The following ARHGAP21 variants were observed in gnomAD, a reference collection of about 807,000 sequenced individuals.
ARHGAP21 encodes the protein rho GTPase-activating protein 21.
In ARHGAP21, 38 loss-of-function variants were observed where a neutral mutation model predicts 164.6. That is an observed-to-expected ratio of 0.23 (90% CI 0.18 to 0.30). The LOEUF (loss-of-function observed/expected upper bound fraction) is 0.30, where lower values mean the gene tolerates loss of function less well. ARHGAP21 is among the 10% of genes least tolerant of loss of function. The pLI is 1.00. For synonymous variants in ARHGAP21, 766 were observed against 857.9 expected (o/e 0.89, Z 1.87); for missense variants, 1,822 against 2,370.7 (o/e 0.77, Z 4.81).
chr10:24,719,125 A>ACACACACC (rs1403546611), intron 2 of ARHGAP21, among the ~76,000 whole-genome samples: 58 of 151,896 alleles, frequency 3.8e-4, no homozygotes, highest in African/African-American at 1.4e-3. Flanking sequence ...ACACACACAC[A>ACACACACC]CACACCCCAA....
In ARHGAP21 at chr10:24,721,819, C is replaced by T; in HGVS notation, c.63+18G>A. ...AGGCCACCGCCCTGCCGGCCAGGAA[C>T]GCTGGCTCCGCGCTTACCTCGCAGG... is the stretch of plus-strand genomic sequence containing the variant. On this transcript the variant is annotated intron_variant, in intron 2 of 25. Coordinates refer to ENST00000396432, the MANE Select transcript of ARHGAP21 (RefSeq NM_020824.4). The T allele has an allele frequency of 6.2e-7, 1 of 1,613,942 alleles. No individual in the cohort carries two copies. The highest frequency in any genetic ancestry group is 8.5e-7 in the Non-Finnish European group (1 of 1,179,916).
intron 9 of ARHGAP21, among the ~76,000 whole-genome samples, chr10:24,616,899 T>G (rs554275876): frequency 6.6e-6 from 1 of 152,324 alleles, no homozygotes; most frequent in East Asian, 1.9e-4. Context: ...AACAAAATAC[T>G]GTTAATGAGT....
At position 24,585,666 on chromosome 10, in the gene ARHGAP21, C is replaced by A. The variant is rs184846029; in HGVS notation, c.4623G>T (p.Glu1541Asp). The A allele has an allele frequency of 4.0e-5, 64 of 1,614,174 alleles. No individual in the cohort carries two copies. The East Asian group carries it at 1.4e-3, about 35-fold the overall frequency. Residue 1541 changes from glutamate (E) to aspartate (D), a missense_variant, in exon 26 of 26, where the codon GAG (glutamate) becomes GAT (aspartate). Transcript: ENST00000396432. ...LLAQKSSHLE[E>D]TGSDSGTLLS... Reference sequence around the variant, plus strand: ...GCAAAGTGCCAGAGTCAGAGCCTGTCTCTTCAAGGTGGGAGGACTTCTGTG... The same window carrying A: ...GCAAAGTGCCAGAGTCAGAGCCTGTATCTTCAAGGTGGGAGGACTTCTGTG...
chr10:24,638,101 G>A (rs1474167420), intron 4 of ARHGAP21, among the ~76,000 whole-genome samples: 1 of 151,936 alleles, frequency 6.6e-6, no homozygotes, highest in Admixed American at 6.6e-5. Context: ...TCCTGACCTT[G>A]TGATCCACCC....
chr10:24,604,520 A>C (rs1357527655), intron 11 of ARHGAP21, among the ~76,000 whole-genome samples, 172 bp from the exon 12 acceptor site: 1 of 152,234 alleles, frequency 6.6e-6, no homozygotes, highest in East Asian at 1.9e-4. Flanking sequence ...TTTTATAAAA[A>C]ATGTTCCACC....
intron 2 of ARHGAP21, among the ~76,000 whole-genome samples, chr10:24,680,426 G>A (rs150565109): frequency 7.2e-5 from 11 of 152,202 alleles, no homozygotes; most frequent in African/African-American, 2.6e-4. Flanking sequence ...AATCATATAG[G>A]TAACTCTTGG....
At chr10:24,668,956 T>C (rs1840449072) in intron 3 of ARHGAP21, among the ~76,000 whole-genome samples, 1 of 152,188 alleles carries the variant, frequency 6.6e-6, no homozygotes, top group Non-Finnish European at 1.5e-5. Context: ...CCTAATGTAA[T>C]TATCAAGTGC....
At chr10:24,695,437 C>T (rs1305858980) in intron 2 of ARHGAP21, among the ~76,000 whole-genome samples, 2 of 151,784 alleles carry the variant, frequency 1.3e-5, no homozygotes, top group African/African-American at 4.8e-5. Context: ...GGCGTGGTGG[C>T]GGGTGCCTGT....
chr10:24,625,372 CACCTTTAACAGGTT>C (rs1420327030), intron 7 of ARHGAP21, among the ~76,000 whole-genome samples: 1 of 145,604 alleles, frequency 6.9e-6, no homozygotes, highest in East Asian at 2.1e-4. Flanking sequence ...CCTTTCAGTT[CACCTTTAACAGGTT>C]ATTAATTTAA....
chr10:24,696,183 A>G (rs897809615), intron 2 of ARHGAP21, among the ~76,000 whole-genome samples: 3 of 152,206 alleles, frequency 2.0e-5, no homozygotes, highest in East Asian at 1.9e-4. Context: ...AGTGGGCCCT[A>G]TGGGCGCCCT....
At chr10:24,719,962 TC>T (rs1239351826) in intron 2 of ARHGAP21, among the ~76,000 whole-genome samples, 1 of 152,184 alleles carries the variant, frequency 6.6e-6, no homozygotes, top group African/African-American at 2.4e-5. Flanking sequence ...AAATACCTAT[TC>T]TTTAGAAAGT....
At chr10:24,703,157 A>T (rs547722936) in intron 2 of ARHGAP21, among the ~76,000 whole-genome samples, 36 of 152,338 alleles carry the variant, frequency 2.4e-4, no homozygotes, top group African/African-American at 7.9e-4. Flanking sequence ...AAATGGCAGT[A>T]TCAATATATT....
intron 9 of ARHGAP21, among the ~76,000 whole-genome samples, chr10:24,609,519 T>C (rs2077165299): frequency 6.6e-6 from 1 of 152,200 alleles, no homozygotes; most frequent in South Asian, 2.1e-4. Context: ...TTCTTTATAA[T>C]AAATTCCTTT....
At chr10:24,616,334 G>A (rs757328056) in intron 9 of ARHGAP21, among the ~76,000 whole-genome samples, 5 of 152,238 alleles carry the variant, frequency 3.3e-5, no homozygotes, top group Admixed American at 6.5e-5. Flanking sequence ...TCATTGCATC[G>A]TCCTGTCATA....
intron 4 of ARHGAP21, among the ~76,000 whole-genome samples, chr10:24,649,511 G>C (rs1334478215): frequency 6.6e-6 from 1 of 152,156 alleles, no homozygotes; most frequent in Non-Finnish European, 1.5e-5. Flanking sequence ...AAGAAAAAAA[G>C]GAAGGGGAAA....
At chr10:24,598,610 A>T (rs543706226) in intron 14 of ARHGAP21, among the ~76,000 whole-genome samples, 1 of 152,340 alleles carries the variant, frequency 6.6e-6, no homozygotes, top group Non-Finnish European at 1.5e-5. Flanking sequence ...GTAAACCCAG[A>T]GTTGACCATA....
intron 7 of ARHGAP21, among the ~76,000 whole-genome samples, chr10:24,627,143 G>GA (rs994487750): frequency 1.3e-5 from 2 of 151,710 alleles, no homozygotes; most frequent in Non-Finnish European, 2.9e-5. Flanking sequence ...TTCAGGAAAA[G>GA]AAAAAAAACC....
intron 2 of ARHGAP21, among the ~76,000 whole-genome samples, chr10:24,680,619 A>G (rs1277593516): frequency 2.0e-5 from 3 of 152,170 alleles, no homozygotes; most frequent in African/African-American, 7.2e-5. Flanking sequence ...CACCCAGAAC[A>G]TAACACTGTA....
Position 24,722,274 on chromosome 10 carries a change from G to C in ARHGAP21, c.-375C>G, listed in dbSNP as rs962392625. On this transcript the variant is annotated 5_prime_UTR_variant, in exon 2 of 26. Transcript: ENST00000396432. ...GAAGGTTCGAGTGTCAGCTCCTAGA[G>C]AGATCCTAGGAAAACGAGAAGTTAA... 4.2e-6 allele frequency: 1 copy of C among 239,834 alleles called. No homozygotes were observed. The highest frequency in any genetic ancestry group is 8.4e-6 in the Non-Finnish European group (1 of 118,798). 14.9% of individuals were successfully genotyped at this position (239,834 alleles called of 1,614,324 possible).
Sources: allele counts gnomAD v4.1 joint callset (sites outside exome capture counted in the v4.1 genomes callset), GRCh38; gene constraint gnomAD v4.1.1; transcripts MANE v1.5; gene names NCBI Gene and HGNC (gene_info 2026-07-23, HGNC 2026-07-21).